The following GCFC2 variants were observed in gnomAD, a reference collection of about 807,000 sequenced individuals.
GCFC2 encodes the protein intron Large complex component GCFC2.
GCFC2 carries 102 observed loss-of-function variants against 99.4 expected under a neutral mutation model. The ratio of observed to expected loss-of-function variants is 1.03; its 90% confidence interval spans 0.87 to 1.21. The LOEUF (loss-of-function observed/expected upper bound fraction) is 1.21, where lower values mean the gene tolerates loss of function less well. Among genes scored for constraint, GCFC2 ranks in the 50% most tolerant of loss-of-function variants. GCFC2 has a pLI of 0.00. For synonymous variants in GCFC2, 338 were observed against 316.8 expected, an observed-to-expected ratio of 1.07 and a Z score of -0.71; for missense variants, 973 against 920.9, an observed-to-expected ratio of 1.06 and a Z score of -0.73.
At position 75,687,920 on chromosome 2, in the gene GCFC2, C is replaced by T. The variant is rs754032301; in HGVS notation, c.1597G>A (p.Asp533Asn). The T allele has an allele frequency of 6.3e-7, 1 of 1,599,084 alleles. No individual in the cohort carries two copies. ...TTCTTTGAATCTTCCACACTGCTAT[C>T]CATAAATTCTTCTACAGATTTGAAC... The part of the protein sequence containing the change: ...PWFKSVEEFM[D>N]SSVEDSKKES... The change falls in exon 11 of 17, where the codon GAT (aspartate) becomes AAT (asparagine). Residue 533 changes from aspartate (D) to asparagine (N), a missense_variant. Transcript: ENST00000321027.
At chr2:75,669,917 G>A (rs1679014199) in intron 15 of GCFC2, 1 of 316,906 alleles carries the variant, frequency 3.2e-6, no homozygotes, top group Non-Finnish European at 6.0e-6. Context: ...TAGAGACGGA[G>A]TTTCACCATG....
At chr2:75,711,218 G>A, upstream of GCFC2, 2 of 985,192 alleles carry the variant, frequency 2.0e-6, no homozygotes, top group Non-Finnish European at 2.4e-6. Flanking sequence ...TTTCCGTCCT[G>A]GACTGGAGCC....
intron 1 of GCFC2, 164 bp downstream of exon 1, chr2:75,710,427 A>ATT (rs1468886163): frequency 5.1e-6 from 7 of 1,362,616 alleles, no homozygotes; most frequent in Non-Finnish European, 6.6e-6. Flanking sequence ...TGCTCGAGCT[A>ATT]TTTTCTCGCT....
intron 1 of GCFC2, among the ~76,000 whole-genome samples, chr2:75,709,236 C>T (rs1681006366): frequency 6.6e-6 from 1 of 152,148 alleles, no homozygotes. Flanking sequence ...TTCTAAGAGT[C>T]TAAAAGAGGT....
Position 75,670,023 on chromosome 2 carries a change from C to A in GCFC2, c.2103+115G>T, listed in dbSNP as rs1466166273. The A allele has an allele frequency of 7.8e-6, 5 of 637,966 alleles. No homozygotes were observed. In the Admixed American group the frequency reaches 8.3e-5, roughly 11 times the overall value. 39.5% of individuals were successfully genotyped at this position (637,966 alleles called of 1,614,324 possible). On this transcript the variant is annotated intron_variant, in intron 15 of 16. Coordinates refer to ENST00000321027, the MANE Select transcript of GCFC2 (RefSeq NM_003203.5). ...TACAGGCATGAGCCACTGTGCCTGG[C>A]CCATTTGTCTATATATGAGTACCAC...
At chr2:75,712,813 A>G (rs1178914216), upstream of GCFC2, among the ~76,000 whole-genome samples, 2 of 152,110 alleles carry the variant, frequency 1.3e-5, no homozygotes, top group African/African-American at 4.8e-5. Flanking sequence ...TGTAACGCTC[A>G]CCGCGAGGGT....
At chr2:75,669,303 A>C (rs1678982083) in intron 15 of GCFC2, among the ~76,000 whole-genome samples, 1 of 152,194 alleles carries the variant, frequency 6.6e-6, no homozygotes, top group Non-Finnish European at 1.5e-5. Flanking sequence ...ACAAAATTTC[A>C]AACACAAACA....
At chr2:75,710,927 A>G (rs1413206402), upstream of GCFC2, 63 of 1,392,372 alleles carry the variant, frequency 4.5e-5, no homozygotes, top group South Asian at 3.2e-4. Flanking sequence ...CCCGCCCCCT[A>G]GGGCGCGCTC....
chr2:75,707,756 T>C (rs1469030752), intron 1 of GCFC2, among the ~76,000 whole-genome samples: 1 of 151,834 alleles, frequency 6.6e-6, no homozygotes, highest in African/African-American at 2.4e-5. Context: ...AACATGTTAT[T>C]TGTTCTTTTT....
At chr2:75,709,612 A>G (rs914188767) in intron 1 of GCFC2, among the ~76,000 whole-genome samples, 2 of 152,182 alleles carry the variant, frequency 1.3e-5, no homozygotes, top group Admixed American at 6.5e-5. Flanking sequence ...TAATTAGACA[A>G]GAGGAATTCT....
In GCFC2 at chr2:75,691,984, C is replaced by T. The variant is rs1417278019; in HGVS notation, c.1137G>A (p.Gln379=). The T allele has an allele frequency of 5.9e-6, 9 of 1,516,306 alleles. No individual in the cohort carries two copies. The highest frequency in any genetic ancestry group is 3.5e-4 in the Middle Eastern group (2 of 5,644). The allele number at this position is 1,516,306 out of a possible 1,614,324, so 93.9% of individuals were successfully genotyped here. The stretch of plus-strand genomic sequence containing the variant: ...AACACGAAAAACACTAACGTGATAA[C>T]TGTTGTAAATACGTTGATTCATGTT... ...ELKHESTYLQ[Q]LSRKDETSTS... is the part of the protein sequence containing the mutation. The change falls in exon 7 of 17, where the codon CAG becomes CAA. Residue 379 remains glutamine, a synonymous_variant. Coordinates refer to ENST00000321027, the MANE Select transcript of GCFC2 (RefSeq NM_003203.5).
At chr2:75,668,762 A>G (rs549379280) in intron 15 of GCFC2, among the ~76,000 whole-genome samples, 3 of 152,290 alleles carry the variant, frequency 2.0e-5, no homozygotes, top group African/African-American at 7.2e-5. Context: ...CTTAAAATCT[A>G]TATGTGCATC....
At chr2:75,668,280 T>C (rs766908713) in intron 15 of GCFC2, among the ~76,000 whole-genome samples, 1 of 152,180 alleles carries the variant, frequency 6.6e-6, no homozygotes, top group Admixed American at 6.5e-5. Flanking sequence ...TGAAACACTC[T>C]CACTTGTAGA....
At chr2:75,679,846 G>A (rs4853169) in intron 12 of GCFC2, 87,408 of 406,642 alleles carry the variant, frequency 0.21, 10,620 homozygotes, top group South Asian at 0.27. Context: ...TCACTGAACA[G>A]AGAAAAGTAA....
At chr2:75,680,019 TC>T (rs1026264734) in intron 12 of GCFC2, among the ~76,000 whole-genome samples, 173 bp downstream of exon 12, 15 of 152,092 alleles carry the variant, frequency 9.9e-5, no homozygotes, top group African/African-American at 3.1e-4. Flanking sequence ...AATTTTTTTT[TC>T]ATCTCAGTGC....
rs1679948075 is a variant in GCFC2, at chr2:75,689,240, A to C, written c.1340-15T>G. On this transcript the variant is annotated splice_polypyrimidine_tract_variant and intron_variant, in intron 9 of 16. Transcript: ENST00000321027. ...TAAAATGTCACCTGTAAACAAAATA[A>C]GTCTCTTTATGCATTTTAAGTTGTG... 10 of 1,435,542 alleles carry C rather than the reference A, an allele frequency of 7.0e-6. No individual in the cohort carries two copies. Among genetic ancestry groups the C allele is most frequent in the African/African-American group, 1.4e-5 (1 of 70,976 alleles). 88.9% of individuals were successfully genotyped at this position (1,435,542 alleles called of 1,614,324 possible). A position where few individuals can be genotyped will look rare whatever the true frequency, so the allele number is the denominator to read the frequency against.
At chr2:75,703,424 G>T (rs34971591) in intron 2 of GCFC2, among the ~76,000 whole-genome samples, 96 of 152,236 alleles carry the variant, frequency 6.3e-4, no homozygotes, top group Non-Finnish European at 1.2e-3. Flanking sequence ...AAAAGAGAAA[G>T]ATTTTAGAAA....
chr2:75,711,723 C>G (rs565771597), upstream of GCFC2, among the ~76,000 whole-genome samples: 13 of 152,336 alleles, frequency 8.5e-5, no homozygotes, highest in African/African-American at 3.1e-4. Context: ...CCCGGGCCAG[C>G]GGCTACAGAG....
intron 14 of GCFC2, among the ~76,000 whole-genome samples, chr2:75,670,961 T>A (rs1679067721): frequency 6.6e-6 from 1 of 152,292 alleles, no homozygotes; most frequent in African/African-American, 2.4e-5. Context: ...AGAAAGCCTT[T>A]TCCCTGATTC....
Sources: allele counts gnomAD v4.1 joint callset (sites outside exome capture counted in the v4.1 genomes callset), GRCh38; gene constraint gnomAD v4.1.1; transcripts MANE v1.5; gene names NCBI Gene and HGNC (gene_info 2026-07-23, HGNC 2026-07-21).